The following FMO5 variants were observed in gnomAD, a reference collection of about 807,000 sequenced individuals.
FMO5 encodes flavin-containing monooxygenase 5.
Under a neutral mutation model 43.6 loss-of-function variants are expected in FMO5, and 51 were observed. That is an observed-to-expected ratio of 1.17 (90% CI 0.93 to 1.48). The LOEUF (loss-of-function observed/expected upper bound fraction) is 1.48. FMO5 is among the 40% of genes most tolerant of loss of function. The pLI is 0.00. For missense variants in FMO5, 644 were observed against 643.0 expected, an observed-to-expected ratio of 1.00 and a Z score of -0.02; for synonymous variants, 187 against 216.5, an observed-to-expected ratio of 0.86 and a Z score of 1.20.
rs185815053 is a variant in FMO5, at chr1:147,186,577, A to G, written c.*323T>C. 2.9e-6 allele frequency: 3 copies of G among 1,036,962 alleles called. No individual in the cohort carries two copies. The African/African-American group carries it at 5.1e-5, about 18-fold the overall frequency. The allele number at this position is 1,036,962 out of a possible 1,614,324, so 64.2% of individuals were successfully genotyped here. A position where few individuals can be genotyped will look rare whatever the true frequency, so the allele number is the denominator to read the frequency against. On this transcript the variant is annotated 3_prime_UTR_variant, in exon 9 of 9. Coordinates refer to ENST00000254090, the MANE Select transcript of FMO5 (RefSeq NM_001461.4). ...CTTACTCTCCCTACCATAAAATTTG[A>G]TAAACAACAAACATTTATTAAGCAC... is the stretch of plus-strand genomic sequence containing the variant.
At position 147,193,097 on chromosome 1, in the gene FMO5, T is replaced by C. The variant is rs1176385379; in HGVS notation, c.1184-2848A>G. Among the ~76,000 whole-genome samples the C allele has an allele frequency of 5.3e-5, 8 of 152,270 alleles. No individual in the cohort carries two copies. The East Asian group carries it at 1.3e-3, about 26-fold the overall frequency. Reference sequence around the variant, plus strand: ...TCAGAAGGAATGGTACCAGCTCCTCTTTGTACCTCTGGTAGAATTCGGCTG... The same window carrying C: ...TCAGAAGGAATGGTACCAGCTCCTCCTTGTACCTCTGGTAGAATTCGGCTG... On this transcript the variant is annotated intron_variant, in intron 7 of 8. Coordinates refer to ENST00000254090, the MANE Select transcript of FMO5 (RefSeq NM_001461.4).
chr1:147,189,760 C>T (rs1656332619), intron 8 of FMO5, among the ~76,000 whole-genome samples: 1 of 152,120 alleles, frequency 6.6e-6, no homozygotes, highest in Non-Finnish European at 1.5e-5. Context: ...AGCAAAGCGG[C>T]CACTGCAGAC....
intron 7 of FMO5, 151 bp from the exon 8 acceptor site, chr1:147,190,400 C>CCA: frequency 3.6e-6 from 2 of 562,358 alleles, no homozygotes; most frequent in Non-Finnish European, 6.3e-6. Flanking sequence ...CACCTTACCA[C>CCA]CACCACAATA....
intron 6 of FMO5, among the ~76,000 whole-genome samples, chr1:147,207,037 A>T (rs587717288): frequency 6.6e-6 from 1 of 152,120 alleles, no homozygotes; most frequent in South Asian, 2.1e-4. Context: ...AGATTTTTTT[A>T]AAGCTATAAA....
At chr1:147,225,113 T>A (rs1663813092) in intron 1 of FMO5, 47 bp from the exon 2 acceptor site, 4 of 1,601,422 alleles carry the variant, frequency 2.5e-6, no homozygotes, top group Non-Finnish European at 3.4e-6. Context: ...CGGTTAACAT[T>A]TTTCAAGGAA....
At chr1:147,203,009 T>C (rs1659306486) in intron 6 of FMO5, among the ~76,000 whole-genome samples, 1 of 152,148 alleles carries the variant, frequency 6.6e-6, no homozygotes, top group African/African-American at 2.4e-5. Flanking sequence ...TTCAAAATGG[T>C]CTTTCTAAAA....
At chr1:147,192,032 T>C (rs193241024) in intron 7 of FMO5, among the ~76,000 whole-genome samples, 180 of 152,290 alleles carry the variant, frequency 1.2e-3, no homozygotes, top group African/African-American at 4.0e-3. Context: ...AAATAGTTTT[T>C]TCCAATTCTG....
At chr1:147,227,190 T>A (rs587654241), upstream of FMO5, among the ~76,000 whole-genome samples, 1 of 152,372 alleles carries the variant, frequency 6.6e-6, no homozygotes, top group East Asian at 1.9e-4. Context: ...TGTGAATTTA[T>A]ACTAAAATAG....
chr1:147,219,651 A>G (rs1404756953), intron 2 of FMO5, among the ~76,000 whole-genome samples: 1 of 152,088 alleles, frequency 6.6e-6, no homozygotes, highest in Admixed American at 6.5e-5. Context: ...TAGAAGAAAG[A>G]AAAGTAAAGG....
In FMO5 at chr1:147,201,458, T is replaced by C. The variant is rs782017216; in HGVS notation, c.877A>G (p.Ile293Val). The C allele has an allele frequency of 6.2e-7, 1 of 1,614,160 alleles. No homozygotes were observed. Among genetic ancestry groups the C allele is most frequent in the South Asian group, 1.1e-5 (1 of 91,068 alleles). The change falls in exon 7 of 9, where the codon ATC (isoleucine) becomes GTC (valine). Residue 293 changes from isoleucine to valine, a missense_variant. By Grantham distance (29) the Ile-to-Val change is conservative (BLOSUM62 3). Transcript: ENST00000254090. ...TTCACTTTCACCAAGCCAGAAATGA[T>C]ACGATTTGGCAGGTCATCATTTAAG... ...PTLNDDLPNR[I>V]ISGLVKVKGN... is the part of the protein sequence containing the mutation.
intron 2 of FMO5, among the ~76,000 whole-genome samples, chr1:147,216,191 C>T (rs930983331): frequency 2.0e-5 from 3 of 152,170 alleles, no homozygotes; most frequent in African/African-American, 4.8e-5. Flanking sequence ...AGTAGCCTTG[C>T]GGATTCTGCC....
chr1:147,195,119 A>G (rs1657721947), intron 7 of FMO5, among the ~76,000 whole-genome samples: 1 of 151,934 alleles, frequency 6.6e-6, no homozygotes, highest in African/African-American at 2.4e-5. Flanking sequence ...ACTTGGTTCC[A>G]TTCTCCCCGT....
At chr1:147,218,136 CATAG>C in intron 2 of FMO5, among the ~76,000 whole-genome samples, 1 of 152,156 alleles carries the variant, frequency 6.6e-6, no homozygotes. Flanking sequence ...AAGTCAAATG[CATAG>C]ATATATTTTT....
At chr1:147,196,774 A>G (rs2101791488) in intron 7 of FMO5, among the ~76,000 whole-genome samples, 1 of 152,164 alleles carries the variant, frequency 6.6e-6, no homozygotes, top group East Asian at 1.9e-4. Flanking sequence ...TCCCAATTCC[A>G]ATGAATGGCC....
At chr1:147,226,027 G>A (rs188004894), upstream of FMO5, among the ~76,000 whole-genome samples, 4 of 152,276 alleles carry the variant, frequency 2.6e-5, no homozygotes, top group African/African-American at 9.6e-5. Flanking sequence ...GTTTAGGTCA[G>A]GGGTTGATGT....
rs147807900 is a variant in FMO5, at chr1:147,222,292, C to A, written c.135+2603G>T. Among the ~76,000 whole-genome samples the A allele has an allele frequency of 4.4e-3, 665 of 152,230 alleles. 5 individuals are homozygous for A. Among genetic ancestry groups the A allele is most frequent in the African/African-American group, 0.015 (640 of 41,540 alleles). ...CTAAGGCATGAGAATCACTTGAACC[C>A]AGGAGGCAGAGGTTGCAGTGAGCTG... On this transcript the variant is annotated intron_variant, in intron 2 of 8. Transcript: ENST00000254090.
At chr1:147,196,907 T>C (rs1163672735) in intron 7 of FMO5, among the ~76,000 whole-genome samples, 2 of 152,260 alleles carry the variant, frequency 1.3e-5, no homozygotes, top group Middle Eastern at 3.4e-3. Context: ...TAGAGTGTCA[T>C]TACCTTGGTT....
chr1:147,225,276 C>T lies in FMO5; in HGVS notation c.-38+11G>A. On this transcript the variant is annotated intron_variant, in intron 1 of 8. Coordinates refer to ENST00000254090, the MANE Select transcript of FMO5 (RefSeq NM_001461.4). ...GAGCTGAGAGTGCTCTGCTGCGGTA[C>T]CGGATCTCACCGCCTTTCCTGAAGC... 1 of 925,610 alleles carries T rather than the reference C, an allele frequency of 1.1e-6. No individual in the cohort carries two copies. The highest frequency in any genetic ancestry group is 1.5e-6 in the Non-Finnish European group (1 of 666,374). The allele number at this position is 925,610 out of a possible 1,614,324, so 57.3% of individuals were successfully genotyped here.
At chr1:147,218,959 A>G (rs1178131431) in intron 2 of FMO5, among the ~76,000 whole-genome samples, 3 of 152,238 alleles carry the variant, frequency 2.0e-5, no homozygotes, top group African/African-American at 7.2e-5. Context: ...CTATAAAGAT[A>G]ACTTAAACAC....
Sources: allele counts gnomAD v4.1 joint callset (sites outside exome capture counted in the v4.1 genomes callset), GRCh38; gene constraint gnomAD v4.1.1; transcripts MANE v1.5; gene names NCBI Gene and HGNC (gene_info 2026-07-23, HGNC 2026-07-21).